HCN4: variants seen among roughly 807,000 people sequenced by gnomAD.
The protein encoded by HCN4 is potassium/sodium hyperpolarization-activated cyclic nucleotide-gated channel 4.
In HCN4, 29 loss-of-function variants were observed where a neutral mutation model predicts 76.9. The observed-to-expected ratio is 0.38, with a 90% CI of 0.28 to 0.51. HCN4 has a LOEUF of 0.51. Among genes scored for constraint, HCN4 ranks in the 20% least tolerant of loss-of-function variants. HCN4 has a pLI of 0.90. For synonymous variants in HCN4, 772 were observed against 762.5 expected, an observed-to-expected ratio of 1.01 and a Z score of -0.21; for missense variants, 1,416 against 1,715.2, an observed-to-expected ratio of 0.83 and a Z score of 3.08.
At chr15:73,365,476 C>T (rs2151227661) in intron 1 of HCN4, among the ~76,000 whole-genome samples, 1 of 152,348 alleles carries the variant, frequency 6.6e-6, no homozygotes, top group East Asian at 1.9e-4. Flanking sequence ...CCTATCCCCA[C>T]ACCCTCTCCT....
In HCN4 at chr15:73,323,797, T is replaced by C. The variant is rs372090359; in HGVS notation, c.2296A>G (p.Thr766Ala). ...CAGATGACGGGCGTGGGGGTTGGGG[T>C]GGCAGAGGCAGCAGCCTGGACGCGG... is the stretch of plus-strand genomic sequence containing the variant. ...AHRVQAAASA[T>A]PTPTPVIWTP... Residue 766 changes from threonine (T) to alanine (A), a missense_variant, in exon 8 of 8, where the codon ACC (threonine) becomes GCC (alanine). Transcript: ENST00000261917. The C allele has an allele frequency of 1.9e-6, 3 of 1,607,278 alleles. No individual in the cohort carries two copies. Among genetic ancestry groups the C allele is most frequent in the Non-Finnish European group, 2.5e-6 (3 of 1,179,394 alleles).
chr15:73,332,246 A>G lies in HCN4; in HGVS notation c.1256T>C (p.Val419Ala). ...YDLASAVVRI[V>A]NLIGMMLLLC... ...CAGGAGCATCATGCCGATGAGGTTC[A>G]CGATGCGCACCACGGCGCTGGCCAG... Residue 419 changes from valine (V) to alanine (A), a missense_variant, in exon 3 of 8, where the codon GTG becomes GCG. Coordinates refer to ENST00000261917, the MANE Select transcript of HCN4 (RefSeq NM_005477.3). The G allele has an allele frequency of 6.2e-7, 1 of 1,614,214 alleles. No individual in the cohort carries two copies. Among genetic ancestry groups the G allele is most frequent in the Non-Finnish European group, 8.5e-7 (1 of 1,180,016 alleles).
chr15:73,345,870 C>T (rs559555172), intron 1 of HCN4, among the ~76,000 whole-genome samples: 49 of 152,234 alleles, frequency 3.2e-4, no homozygotes, highest in Non-Finnish European at 6.3e-4. Flanking sequence ...ATTAACAGAG[C>T]GGGTGCAAGG....
Position 73,322,808 on chromosome 15 carries a change from C to A in HCN4, c.3285G>T (p.Gln1095His). The change falls in exon 8 of 8, where the codon CAG becomes CAT. Residue 1095 changes from glutamine to histidine, a missense_variant. Transcript: ENST00000261917. ...CTCTGCGGAGAGTCTGCGCCCCGTCCTGAGGCAGGGCTGGCTGAGACGCGG... is the reference window on the plus strand; with the variant it reads ...CTCTGCGGAGAGTCTGCGCCCCGTCATGAGGCAGGGCTGGCTGAGACGCGG... ...LISASQPALP[Q>H]DGAQTLRRAS... 6.5e-7 allele frequency: 1 copy of A among 1,538,560 alleles called. No individual in the cohort carries two copies. Among genetic ancestry groups the A allele is most frequent in the Non-Finnish European group, 8.8e-7 (1 of 1,142,766 alleles).
chr15:73,366,370 A>C (rs996578928), intron 1 of HCN4, among the ~76,000 whole-genome samples: 1 of 152,178 alleles, frequency 6.6e-6, no homozygotes, highest in African/African-American at 2.4e-5. Context: ...TAGGCAGGCA[A>C]CTAAGGTAGG....
chr15:73,362,658 C>T (rs1202567667), intron 1 of HCN4, among the ~76,000 whole-genome samples: 1 of 152,186 alleles, frequency 6.6e-6, no homozygotes, highest in African/African-American at 2.4e-5. Flanking sequence ...GGCCCTAAAG[C>T]ATGGGAGAGA....
At chr15:73,339,053 CCT>C (rs2042982633) in intron 2 of HCN4, among the ~76,000 whole-genome samples, 1 of 152,206 alleles carries the variant, frequency 6.6e-6, no homozygotes, top group African/African-American at 2.4e-5. Flanking sequence ...GCCTCCAGCC[CCT>C]CTTTGGCCAC....
intron 1 of HCN4, among the ~76,000 whole-genome samples, chr15:73,354,429 C>T (rs116400227): frequency 0.011 from 1,675 of 152,324 alleles, 26 homozygotes; most frequent in African/African-American, 0.037. Flanking sequence ...TGTGCACACA[C>T]ATCACCTGGG....
In HCN4 at chr15:73,323,319, A is replaced by G. The variant is rs375712962; in HGVS notation, c.2774T>C (p.Leu925Pro). Residue 925 changes from leucine (L) to proline (P), a missense_variant, in exon 8 of 8, where the codon CTG becomes CCG. Physicochemically the swap from Leu to Pro is moderately conservative, Grantham distance 98. Around this residue, in one of 6 missense-constraint regions of HCN4, gnomAD observed 633 missense variants for 579.8 expected, o/e 1.09. Coordinates refer to ENST00000261917, the MANE Select transcript of HCN4 (RefSeq NM_005477.3). ...GGSLSSSDSP[L>P]LTPLQPGARS... ...GGCGCCTGGCTGCAGCGGGGTGAGC[A>G]GGGGAGAGTCGGAGGAGGACAGGGA... 1.6e-5 allele frequency: 25 copies of G among 1,558,022 alleles called. No homozygotes were observed. The highest frequency in any genetic ancestry group is 2.2e-5 in the Non-Finnish European group (25 of 1,150,656).
At position 73,368,915 on chromosome 15, in the gene HCN4, T is replaced by C. The variant is rs2043144476; in HGVS notation, c.-645A>G. The C allele has an allele frequency of 1.3e-5, 2 of 152,122 alleles. No individual in the cohort carries two copies. Among genetic ancestry groups the C allele is most frequent in the South Asian group, 4.1e-4 (2 of 4,830 alleles). 9.4% of individuals were successfully genotyped at this position (152,122 alleles called of 1,614,324 possible). On this transcript the variant is annotated 5_prime_UTR_variant, in exon 1 of 8. The change abolishes an upstream ATG in the 5' untranslated region. Coordinates refer to ENST00000261917, the MANE Select transcript of HCN4 (RefSeq NM_005477.3). This position sits in a 1 kb window ranked among gnomAD's most constrained non-coding sequence, Gnocchi z 6.9. Reference sequence around the variant, plus strand: ...GGGCTCCCGCGCCCCGGAATATTCATGAAGCCGCCGCAGCTCGCGGGTTGC... The same window carrying C: ...GGGCTCCCGCGCCCCGGAATATTCACGAAGCCGCCGCAGCTCGCGGGTTGC...
At chr15:73,360,703 G>A (rs973522491) in intron 1 of HCN4, among the ~76,000 whole-genome samples, 8 of 152,148 alleles carry the variant, frequency 5.3e-5, no homozygotes, top group Admixed American at 1.3e-4. Context: ...GGAGGCCATC[G>A]TGAAGAATAA....
chr15:73,333,909 AGCCAGGTCT>A (rs1316484735), intron 2 of HCN4, among the ~76,000 whole-genome samples: 1 of 152,232 alleles, frequency 6.6e-6, no homozygotes, highest in East Asian at 1.9e-4. Context: ...CAGATGTTGT[AGCCAGGTCT>A]GCCTGATTCT....
rs923929885 is a variant in HCN4 at position 73,322,136 on chromosome 15, C to T, written c.*345G>A. On this transcript the variant is annotated 3_prime_UTR_variant, in exon 8 of 8. Coordinates refer to ENST00000261917, the MANE Select transcript of HCN4 (RefSeq NM_005477.3). ...CTGTTTCTCTAAATGAACACAATGA[C>T]ACATCTGCTCTAAGAACCGCCAACA... is the stretch of plus-strand genomic sequence containing the variant. The T allele has an allele frequency of 3.0e-6, 1 of 332,706 alleles. No individual in the cohort carries two copies. Among genetic ancestry groups the T allele is most frequent in the African/African-American group, 2.2e-5 (1 of 46,498 alleles). The allele number at this position is 332,706 out of a possible 1,614,324, so 20.6% of individuals were successfully genotyped here.
rs779811451 is a variant in HCN4 at position 73,322,606 on chromosome 15, G to T, written c.3487C>A (p.Pro1163Thr). 6.2e-6 allele frequency: 10 copies of T among 1,611,746 alleles called. No individual in the cohort carries two copies. In the East Asian group the frequency reaches 8.9e-5, roughly 14 times the overall value. The change falls in exon 8 of 8, where the codon CCC (proline) becomes ACC (threonine). Residue 1163 changes from proline (P) to threonine (T), a missense_variant. Pro to Thr is a conservative substitution (Grantham distance 38). Coordinates refer to ENST00000261917, the MANE Select transcript of HCN4 (RefSeq NM_005477.3). ...CTTGCCCCAAACAAAGACAGAGGGG[G>T]TGGCAAAGAACCTGAGGATGTCTTC... ...PRKTSSGSLP[P>T]PLSLFGARAT...
intron 6 of HCN4, 42 bp from the exon 7 acceptor site, chr15:73,324,295 G>T (rs762442246): frequency 6.2e-7 from 1 of 1,601,846 alleles, no homozygotes; most frequent in East Asian, 2.3e-5. Flanking sequence ...TGCACAGCCT[G>T]CCCAGGCCAG....
In HCN4 at chr15:73,323,082, G is replaced by A. The variant is rs1486893598; in HGVS notation, c.3011C>T (p.Pro1004Leu). 9 of 1,574,276 alleles carry A rather than the reference G, an allele frequency of 5.7e-6. No homozygotes were observed. Among genetic ancestry groups the A allele is most frequent in the Admixed American group, 3.7e-5 (2 of 53,858 alleles). The change falls in exon 8 of 8, where the codon CCG becomes CTG. Residue 1004 changes from proline (P) to leucine (L), a missense_variant. This residue lies in a region of HCN4 where 633 missense variants were observed against 579.8 expected (regional missense o/e 1.09). Transcript: ENST00000261917. ...PETPPRQPEP[P>L]SLVAGASGGA... ...CCCAGAGGCCCCTGCCACAAGGGAC[G>A]GCGGCTCAGGCTGCCGTGGGGGTGT...
intron 1 of HCN4, among the ~76,000 whole-genome samples, chr15:73,345,559 C>G (rs145085626): frequency 1.7e-3 from 258 of 152,224 alleles, no homozygotes; most frequent in African/African-American, 5.8e-3. Context: ...TCATGGGCCC[C>G]AGGAGGATGG....
chr15:73,325,320 T>G lies in HCN4; in HGVS notation c.1715A>C (p.Glu572Ala). The stretch of plus-strand genomic sequence containing the variant: ...CACCTCCCGCAGGGGCTCGCTTAGC[T>G]CGCCCAGGATGCTCTCCTCGTCGAA... The part of the protein sequence containing the change: ...KMFDEESILG[E>A]LSEPLREEII... The change falls in exon 5 of 8, where the codon GAG (glutamate) becomes GCG (alanine). Residue 572 changes from glutamate to alanine, a missense_variant. This residue lies in a region of HCN4 where 241 missense variants were observed against 379.4 expected (regional missense o/e 0.64). Coordinates refer to ENST00000261917, the MANE Select transcript of HCN4 (RefSeq NM_005477.3). This position sits in a 1 kb window ranked among gnomAD's most constrained non-coding sequence, Gnocchi z 7.4. The G allele has an allele frequency of 6.2e-7, 1 of 1,613,736 alleles. No individual in the cohort carries two copies. The highest frequency in any genetic ancestry group is 8.5e-7 in the Non-Finnish European group (1 of 1,179,932).
At chr15:73,330,730 C>T (rs939973559) in intron 3 of HCN4, among the ~76,000 whole-genome samples, 6 of 152,154 alleles carry the variant, frequency 3.9e-5, no homozygotes, top group Non-Finnish European at 7.4e-5. Flanking sequence ...CCGTGAGCTT[C>T]GAGCCATATT....
Sources: allele counts gnomAD v4.1 joint callset (sites outside exome capture counted in the v4.1 genomes callset), GRCh38; gene constraint gnomAD v4.1.1; regional missense constraint gnomAD v4.1.1; non-coding constraint Gnocchi (gnomAD v3.1); transcripts MANE v1.5; gene names NCBI Gene and HGNC (gene_info 2026-07-23, HGNC 2026-07-21).